RBFOX2: variants seen among roughly 807,000 people sequenced by gnomAD.
RBFOX2 encodes the protein RNA binding fox-1 homolog 2, also known as RNA binding protein fox-1 homolog 2.
In RBFOX2, 10 loss-of-function variants were observed where a neutral mutation model predicts 49.1. That is an observed-to-expected ratio of 0.20 (90% CI 0.13 to 0.35). The LOEUF (loss-of-function observed/expected upper bound fraction) is 0.35, where lower values mean the gene tolerates loss of function less well. Among genes scored for constraint, RBFOX2 ranks in the 10% least tolerant of loss-of-function variants. The pLI, the probability that RBFOX2 is intolerant of heterozygous loss-of-function variation, is 1.00. For synonymous variants in RBFOX2, 183 were observed against 187.4 expected, an observed-to-expected ratio of 0.98 and a Z score of 0.19; for missense variants, 323 against 486.9, an observed-to-expected ratio of 0.66 and a Z score of 3.17.
Position 35,765,541 on chromosome 22 carries a change from A to G in RBFOX2, c.547-58T>C, listed in dbSNP as rs1940671947. On this transcript the variant is annotated intron_variant, in intron 5 of 11. Transcript: ENST00000405409. Reference sequence around the variant, plus strand: ...AGAAGTGGACCACATTAGGGAACATAAAGTTGCACATCCAATAACAGAGTA... The same window carrying G: ...AGAAGTGGACCACATTAGGGAACATGAAGTTGCACATCCAATAACAGAGTA... 3 of 1,036,618 alleles carry G rather than the reference A, an allele frequency of 2.9e-6. No individual in the cohort carries two copies. In the African/African-American group the frequency reaches 4.9e-5, roughly 17 times the overall value. The allele number at this position is 1,036,618 out of a possible 1,614,324, so 64.2% of individuals were successfully genotyped here. A position where few individuals can be genotyped will look rare whatever the true frequency, so the allele number is the denominator to read the frequency against.
At chr22:35,757,883 T>C (rs942139070) in intron 9 of RBFOX2, among the ~76,000 whole-genome samples, 8 of 152,132 alleles carry the variant, frequency 5.3e-5, no homozygotes, top group Non-Finnish European at 1.5e-5. Flanking sequence ...ACTTCAAAGA[T>C]CTTAGTAAGG....
intron 1 of RBFOX2, among the ~76,000 whole-genome samples, chr22:35,977,761 T>TGCAC: frequency 1.1e-5 from 1 of 90,936 alleles, no homozygotes; most frequent in Non-Finnish European, 2.2e-5. Flanking sequence ...TATATATATA[T>TGCAC]ACATGCACAC....
intron 6 of RBFOX2, among the ~76,000 whole-genome samples, chr22:35,762,342 G>T (rs1939193983): frequency 6.6e-6 from 1 of 151,892 alleles, no homozygotes; most frequent in Non-Finnish European, 1.5e-5. Flanking sequence ...AATTCCACAT[G>T]AAAACTTTAA....
At chr22:35,972,171 C>T (rs1428838657) in intron 1 of RBFOX2, among the ~76,000 whole-genome samples, 1 of 151,990 alleles carries the variant, frequency 6.6e-6, no homozygotes, top group Non-Finnish European at 1.5e-5. Flanking sequence ...ACTAAAATCC[C>T]TTTTTAGATC....
chr22:35,865,444 G>A (rs1188982667), intron 1 of RBFOX2, among the ~76,000 whole-genome samples: 2 of 152,074 alleles, frequency 1.3e-5, no homozygotes, highest in East Asian at 3.9e-4. Flanking sequence ...CTCTGACTAG[G>A]CTTGGTGACT....
intron 1 of RBFOX2, among the ~76,000 whole-genome samples, chr22:35,906,340 A>C (rs545692577): frequency 6.6e-6 from 1 of 152,192 alleles, no homozygotes; most frequent in Non-Finnish European, 1.5e-5. Flanking sequence ...ATATTAACTT[A>C]TGTAAATGTT....
chr22:35,894,446 G>A (rs1251452382), intron 1 of RBFOX2, among the ~76,000 whole-genome samples: 2 of 152,084 alleles, frequency 1.3e-5, no homozygotes, highest in South Asian at 2.1e-4. Flanking sequence ...GCTTAACAAG[G>A]TCAGTACCCC....
At chr22:36,007,021 G>C (rs553842795) in intron 1 of RBFOX2, among the ~76,000 whole-genome samples, 1 of 152,140 alleles carries the variant, frequency 6.6e-6, no homozygotes, top group Admixed American at 6.5e-5. Context: ...CTAGCTAGGG[G>C]ACATTTCTTA....
chr22:35,782,784 A>T (rs1240801440), intron 2 of RBFOX2, among the ~76,000 whole-genome samples: 2 of 152,268 alleles, frequency 1.3e-5, no homozygotes, highest in Admixed American at 6.5e-5. Context: ...TCATCTGCTA[A>T]TTAGCATAAA....
intron 1 of RBFOX2, among the ~76,000 whole-genome samples, chr22:35,913,302 ACTCTGT>A (rs1281629853): frequency 2.6e-5 from 4 of 152,060 alleles, no homozygotes; most frequent in Admixed American, 1.3e-4. Flanking sequence ...ACATAGTGAG[ACTCTGT>A]CTCTATTTTT....
chr22:35,945,404 T>C (rs2054164105), intron 1 of RBFOX2, among the ~76,000 whole-genome samples: 1 of 152,008 alleles, frequency 6.6e-6, no homozygotes, highest in East Asian at 2.0e-4. Flanking sequence ...ATGCAAAAAC[T>C]AATCCCAGCA....
At chr22:35,961,634 C>A (rs375914767) in exon 1 of RBFOX2, 2 of 1,304,158 alleles carry the variant, frequency 1.5e-6, no homozygotes, top group East Asian at 1.1e-4. Context: ...GAATTCTAAA[C>A]CCTGCTGCTC....
In RBFOX2 at chr22:35,759,747, A is replaced by G. The variant is rs1426289741; in HGVS notation, c.887+141T>C. On this transcript the variant is annotated intron_variant, in intron 9 of 11. Coordinates refer to ENST00000405409, the Ensembl canonical transcript of RBFOX2. This position sits in a 1 kb window ranked among gnomAD's most constrained non-coding sequence, Gnocchi z 4.6. ...TGGTATATTTTGTTTTTTGTCATCT[A>G]ATCTGTTAATTTGCAAATATTCACT... is the stretch of plus-strand genomic sequence containing the variant. The G allele has an allele frequency of 5.3e-6, 6 of 1,135,806 alleles. No individual in the cohort carries two copies. Among genetic ancestry groups the G allele is most frequent in the Middle Eastern group, 3.0e-4 (1 of 3,314 alleles). The allele number at this position is 1,135,806 out of a possible 1,614,324, so 70.4% of individuals were successfully genotyped here. A position where few individuals can be genotyped will look rare whatever the true frequency, so the allele number is the denominator to read the frequency against.
At chr22:35,934,847 C>T (rs1292669481) in intron 1 of RBFOX2, among the ~76,000 whole-genome samples, 1 of 152,154 alleles carries the variant, frequency 6.6e-6, no homozygotes, top group African/African-American at 2.4e-5. Context: ...CCTGGGAACA[C>T]GCCTAAGCAC....
intron 1 of RBFOX2, among the ~76,000 whole-genome samples, chr22:35,869,079 G>A (rs2044030059): frequency 6.6e-6 from 1 of 152,036 alleles, no homozygotes; most frequent in Non-Finnish European, 1.5e-5. Context: ...CCAATTCCTA[G>A]GCTACCCCAC....
intron 2 of RBFOX2, among the ~76,000 whole-genome samples, chr22:35,794,209 CTT>C (rs77037337): frequency 2.0e-5 from 3 of 146,694 alleles, no homozygotes; most frequent in Admixed American, 1.4e-4. Flanking sequence ...CTATGGATGT[CTT>C]TTTTTTTTTA....
chr22:35,883,336 G>C (rs1456133153), intron 1 of RBFOX2, among the ~76,000 whole-genome samples: 1 of 152,210 alleles, frequency 6.6e-6, no homozygotes, highest in African/African-American at 2.4e-5. Flanking sequence ...ATCTCTCCAA[G>C]AGGAACTCTT....
chr22:35,997,553 A>T (rs969176297), intron 1 of RBFOX2: 2 of 152,252 alleles, frequency 1.3e-5, no homozygotes, highest in Non-Finnish European at 2.9e-5. Context: ...AATATATATA[A>T]GACCTCTTGC....
chr22:35,804,103 C>T (rs1230856536), intron 2 of RBFOX2, among the ~76,000 whole-genome samples: 13 of 152,214 alleles, frequency 8.5e-5, no homozygotes, highest in Non-Finnish European at 1.5e-5. Flanking sequence ...CATGGTGAAA[C>T]CCCATCTCTA....
Sources: allele counts gnomAD v4.1 joint callset (sites outside exome capture counted in the v4.1 genomes callset), GRCh38; gene constraint gnomAD v4.1.1; non-coding constraint Gnocchi (gnomAD v3.1); transcripts MANE v1.5; gene names NCBI Gene and HGNC (gene_info 2026-07-23, HGNC 2026-07-21).